The following CCDC81 variants were observed in gnomAD, a reference collection of about 807,000 sequenced individuals.
CCDC81 encodes coiled-coil domain-containing protein 81.
In CCDC81, 79 loss-of-function variants were observed where a neutral mutation model predicts 83.7. The ratio of observed to expected loss-of-function variants is 0.94; its 90% confidence interval spans 0.79 to 1.14. The LOEUF is 1.14. Ranked by LOEUF, CCDC81 falls within the 50% of genes most tolerant of loss-of-function variation. CCDC81 has a pLI of 0.00. For missense variants in CCDC81, 791 were observed against 778.1 expected, an observed-to-expected ratio of 1.02 and a Z score of -0.20; for synonymous variants, 252 against 278.1, an observed-to-expected ratio of 0.91 and a Z score of 0.93.
intron 3 of CCDC81, among the ~76,000 whole-genome samples, chr11:86,388,608 A>G (rs1948281141): frequency 6.6e-6 from 1 of 152,258 alleles, no homozygotes; most frequent in Non-Finnish European, 1.5e-5. Context: ...ATGATATATT[A>G]GAAAAACAAA....
chr11:86,404,714 A>G (rs1013341112), intron 7 of CCDC81, among the ~76,000 whole-genome samples: 11 of 152,222 alleles, frequency 7.2e-5, no homozygotes, highest in Admixed American at 5.2e-4. Context: ...AATGGAGAGT[A>G]TGAACAAGGT....
chr11:86,390,177 A>T (rs540398417), intron 3 of CCDC81, among the ~76,000 whole-genome samples: 31 of 152,348 alleles, frequency 2.0e-4, no homozygotes, highest in Non-Finnish European at 3.4e-4. Context: ...AACTGGATCA[A>T]ATGCTATGAC....
rs76192780 is a variant in CCDC81, at chr11:86,402,502, A to G, written c.881+1701A>G. On this transcript the variant is annotated intron_variant, in intron 7 of 14. Coordinates refer to ENST00000445632, the MANE Select transcript of CCDC81 (RefSeq NM_001156474.2). ...GAAAGGTTAAACCTTTTGTTTAACC[A>G]ATCTCCTATTGGATATTTAGATGGC... Among the ~76,000 whole-genome samples, 51 of 152,328 alleles carry G rather than the reference A, an allele frequency of 3.3e-4. No individual in the cohort carries two copies. The East Asian group carries it at 9.8e-3, about 29-fold the overall frequency.
chr11:86,419,981 G>C lies in CCDC81; in HGVS notation c.1745G>C (p.Cys582Ser). The change falls in exon 14 of 15, where the codon TGC (cysteine) becomes TCC (serine). Residue 582 changes from cysteine (C) to serine (S), a missense_variant. Coordinates refer to ENST00000445632, the MANE Select transcript of CCDC81 (RefSeq NM_001156474.2). ...ELERVNRVNQ[C>S]LQEDWERSAA... ...GAGCGAGTAAATAGAGTCAACCAAT[G>C]CTTACAGGAGGACTGGGAAAGGAGT... The C allele has an allele frequency of 6.2e-7, 1 of 1,613,940 alleles. No individual in the cohort carries two copies. The highest frequency in any genetic ancestry group is 8.5e-7 in the Non-Finnish European group (1 of 1,179,928).
Position 86,387,519 on chromosome 11 carries a change from G to T in CCDC81, c.145G>T (p.Val49Phe). 1.9e-6 allele frequency: 3 copies of T among 1,613,668 alleles called. No individual in the cohort carries two copies. Among genetic ancestry groups the T allele is most frequent in the Non-Finnish European group, 2.5e-6 (3 of 1,179,906 alleles). ...VRRQLTLHKGVQIPAFGTFTF... is the reference protein window; with the variant it reads ...VRRQLTLHKGFQIPAFGTFTF... ...TTGTTTTGTTTTTTCCTTTCAGGGG[G>T]TTCAGATTCCAGCATTTGGAACTTT... is the stretch of plus-strand genomic sequence containing the variant. Residue 49 changes from valine (V) to phenylalanine (F), a missense_variant, in exon 3 of 15, where the codon GTT becomes TTT. By Grantham distance (50) the Val-to-Phe change is conservative (BLOSUM62 -1). Transcript: ENST00000445632.
intron 1 of CCDC81, among the ~76,000 whole-genome samples, chr11:86,379,712 C>T (rs1485977436): frequency 1.3e-5 from 2 of 152,178 alleles, no homozygotes; most frequent in Non-Finnish European, 2.9e-5. Flanking sequence ...TGCAGTGGCT[C>T]ATGCTTGTAA....
At chr11:86,420,833 G>C (rs1177404187) in intron 14 of CCDC81, among the ~76,000 whole-genome samples, 1 of 152,212 alleles carries the variant, frequency 6.6e-6, no homozygotes, top group Non-Finnish European at 1.5e-5. Flanking sequence ...AAGTATGAGT[G>C]ATGACGTGGA....
chr11:86,409,058 AG>A (rs931309044), intron 9 of CCDC81, among the ~76,000 whole-genome samples: 22 of 152,124 alleles, frequency 1.4e-4, no homozygotes, highest in African/African-American at 5.3e-4. Flanking sequence ...TGGTACCTAA[AG>A]GCCAAGAAAA....
chr11:86,422,642 G>A lies in CCDC81; in HGVS notation c.1886G>A (p.Arg629His), dbSNP rs780072627. ...KYRRCKQCQR[R>H]TSNVGESNLW... ...CGGCGCTGCAAGCAATGCCAGAGGCGCACCTCCAACGTGGGCGAGAGCAAC... is the reference window on the plus strand; with the variant it reads ...CGGCGCTGCAAGCAATGCCAGAGGCACACCTCCAACGTGGGCGAGAGCAAC... The change falls in exon 15 of 15, where the codon CGC becomes CAC. Residue 629 changes from arginine to histidine, a missense_variant. Arg to His is a conservative substitution (Grantham distance 29). Transcript: ENST00000445632. 1.2e-5 allele frequency: 19 copies of A among 1,613,920 alleles called. No homozygotes were observed. Among genetic ancestry groups the A allele is most frequent in the South Asian group, 2.2e-5 (2 of 91,074 alleles).
intron 13 of CCDC81, 100 bp from the exon 14 acceptor site, chr11:86,419,828 C>T (rs1321866291): frequency 1.5e-6 from 2 of 1,327,660 alleles, no homozygotes; most frequent in African/African-American, 3.0e-5. Flanking sequence ...GTGAACAAAA[C>T]CAGAAGGTTT....
At chr11:86,395,915 G>A (rs1005303978) in intron 5 of CCDC81, among the ~76,000 whole-genome samples, 3 of 152,160 alleles carry the variant, frequency 2.0e-5, no homozygotes, top group African/African-American at 7.2e-5. Flanking sequence ...GAGCCACCAG[G>A]CCTGGCCCAT....
intron 3 of CCDC81, among the ~76,000 whole-genome samples, chr11:86,389,843 T>A (rs980257473): frequency 4.6e-5 from 7 of 152,232 alleles, no homozygotes; most frequent in African/African-American, 1.7e-4. Flanking sequence ...CGATGGCTCA[T>A]GCCTGTAATC....
At chr11:86,395,843 G>A (rs1182685874) in intron 5 of CCDC81, among the ~76,000 whole-genome samples, 2 of 152,072 alleles carry the variant, frequency 1.3e-5, no homozygotes, top group South Asian at 2.1e-4. Context: ...GGCTGGTCTC[G>A]AACTCCTGGT....
chr11:86,395,405 G>A lies in CCDC81; in HGVS notation c.627G>A (p.Ala209=), dbSNP rs539788278. ...ALRKWPSSVL[A]FPRIELKEME... ...GGAAGTGGCCCAGCAGTGTGCTTGC[G>A]TTTCCAAGGTGAGTGCTTTGCTTCA... Residue 209 remains alanine (A), a synonymous_variant, in exon 5 of 15, where the codon GCG becomes GCA. Coordinates refer to ENST00000445632, the MANE Select transcript of CCDC81 (RefSeq NM_001156474.2). The A allele has an allele frequency of 1.7e-5, 27 of 1,613,872 alleles. 1 individual carries two copies. The highest frequency in any genetic ancestry group is 3.3e-4 in the Middle Eastern group (2 of 6,062).
At chr11:86,402,011 T>C (rs1010436762) in intron 7 of CCDC81, among the ~76,000 whole-genome samples, 2 of 151,488 alleles carry the variant, frequency 1.3e-5, no homozygotes, top group African/African-American at 4.8e-5. Context: ...GGTGAGCGCC[T>C]GTAATCCCAG....
intron 14 of CCDC81, among the ~76,000 whole-genome samples, chr11:86,421,792 C>T (rs1407048992): frequency 1.3e-5 from 2 of 152,052 alleles, no homozygotes; most frequent in East Asian, 1.9e-4. Context: ...GTGGTGCACA[C>T]CTGTCATTCC....
chr11:86,385,125 T>C (rs558703243), intron 1 of CCDC81, among the ~76,000 whole-genome samples: 1 of 152,334 alleles, frequency 6.6e-6, no homozygotes, highest in Admixed American at 6.5e-5. Flanking sequence ...TGGTGGCTCA[T>C]GCCTGTAATC....
chr11:86,391,670 G>A (rs751635557), intron 3 of CCDC81, among the ~76,000 whole-genome samples: 18 of 152,162 alleles, frequency 1.2e-4, no homozygotes, highest in African/African-American at 2.7e-4. Context: ...TAGTGAAGAT[G>A]GGTATCTTTT....
At chr11:86,410,140 A>G (rs1204750529) in intron 10 of CCDC81, among the ~76,000 whole-genome samples, 3 of 152,216 alleles carry the variant, frequency 2.0e-5, no homozygotes, top group African/African-American at 4.8e-5. Flanking sequence ...TGGTGAGCCA[A>G]CTGCTTCACT....
Sources: allele counts gnomAD v4.1 joint callset (sites outside exome capture counted in the v4.1 genomes callset), GRCh38; gene constraint gnomAD v4.1.1; transcripts MANE v1.5; gene names NCBI Gene and HGNC (gene_info 2026-07-23, HGNC 2026-07-21).